PDS5B: variants seen among roughly 807,000 people sequenced by gnomAD.
PDS5B encodes sister chromatid cohesion protein PDS5 homolog B.
Under a neutral mutation model 184.1 loss-of-function variants are expected in PDS5B, and 51 were observed. The ratio of observed to expected loss-of-function variants is 0.28; its 90% CI spans 0.22 to 0.35. The LOEUF (loss-of-function observed/expected upper bound fraction) is 0.35, where lower values mean the gene tolerates loss of function less well. Among genes scored for constraint, PDS5B ranks in the 10% least tolerant of loss-of-function variants. The probability of loss-of-function intolerance (pLI) is 1.00; values close to 1 mark genes in which losing one functional copy is unlikely to be tolerated. For synonymous variants in PDS5B, 566 were observed against 569.2 expected, an observed-to-expected ratio of 0.99 and a Z score of 0.08; for missense variants, 1,180 against 1,723.3, an observed-to-expected ratio of 0.68 and a Z score of 5.58.
At position 32,709,994 on chromosome 13, in the gene PDS5B, G is replaced by C. The variant is rs1358832782; in HGVS notation, c.2011G>C (p.Glu671Gln). Reference protein sequence around the residue: ...PISFHSAETFESLLACLKMDD... With the variant: ...PISFHSAETFQSLLACLKMDD... ...CTCATTTCATTCTGCTGAAACATTT[G>C]AATCATTACTGGCTTGTCTGAAAAT... The change falls in exon 19 of 35, where the codon GAA (glutamate) becomes CAA (glutamine). Residue 671 changes from glutamate (E) to glutamine (Q), a missense_variant. By Grantham distance (29) the Glu-to-Gln change is conservative. Around this residue, in one of 11 missense-constraint regions of PDS5B, gnomAD observed 475 missense variants for 691.5 expected, o/e 0.69. Coordinates refer to ENST00000315596, the MANE Select transcript of PDS5B (RefSeq NM_015032.4). 6.6e-7 allele frequency: 1 copy of C among 1,514,830 alleles called. No homozygotes were observed. 93.8% of individuals were successfully genotyped at this position (1,514,830 alleles called of 1,614,324 possible). A position where few individuals can be genotyped will look rare whatever the true frequency, so the allele number is the denominator to read the frequency against.
intron 6 of PDS5B, among the ~76,000 whole-genome samples, chr13:32,661,747 GAAAGAGA>G (rs1950654821): frequency 6.6e-6 from 1 of 152,046 alleles, no homozygotes; most frequent in African/African-American, 2.4e-5. Flanking sequence ...GTGGAATACT[GAAAGAGA>G]AATCATATAT....
intron 20 of PDS5B, among the ~76,000 whole-genome samples, chr13:32,733,819 G>T (rs1387488792): frequency 6.6e-6 from 1 of 152,016 alleles, no homozygotes; most frequent in Non-Finnish European, 1.5e-5. Context: ...GCCATTGTTA[G>T]TAGTTTCTAA....
At chr13:32,646,318 A>G (rs1056877280) in intron 1 of PDS5B, among the ~76,000 whole-genome samples, 1 of 147,038 alleles carries the variant, frequency 6.8e-6, no homozygotes, top group Admixed American at 6.8e-5. Context: ...GATGTTTGTA[A>G]TGTTAATCCA....
rs73456801 is a variant in PDS5B at position 32,756,158 on chromosome 13, T to C, written c.3056+202T>C. On this transcript the variant is annotated intron_variant, in intron 26 of 34. Coordinates refer to ENST00000315596, the MANE Select transcript of PDS5B (RefSeq NM_015032.4). ...TTTAATGTAGTTTCCCAAAACTTAA[T>C]CATAATTATTATAGTTATGTTTCTG... is the stretch of plus-strand genomic sequence containing the variant. Among the ~76,000 whole-genome samples, 901 of 152,282 alleles carry C rather than the reference T, an allele frequency of 5.9e-3. 15 individuals are homozygous for C. The highest frequency in any genetic ancestry group is 0.02 in the African/African-American group (850 of 41,568).
chr13:32,689,135 A>G (rs1042721631), intron 13 of PDS5B: 1 of 155,068 alleles, frequency 6.4e-6, no homozygotes, highest in African/African-American at 2.4e-5. Context: ...GTCTAATTGA[A>G]TCATACTAAG....
chr13:32,616,300 C>A (rs898767448), intron 1 of PDS5B, among the ~76,000 whole-genome samples: 1 of 152,154 alleles, frequency 6.6e-6, no homozygotes, highest in African/African-American at 2.4e-5. Flanking sequence ...GGTGATCCAC[C>A]CGCCTTGGCC....
chr13:32,697,243 T>C (rs954315018), intron 15 of PDS5B, among the ~76,000 whole-genome samples: 2 of 152,214 alleles, frequency 1.3e-5, no homozygotes, highest in African/African-American at 2.4e-5. Context: ...ATTAATTTGC[T>C]TTTTTGCTTT....
chr13:32,646,425 A>T (rs1167165826), intron 1 of PDS5B, among the ~76,000 whole-genome samples: 1 of 104,350 alleles, frequency 9.6e-6, no homozygotes, highest in Non-Finnish European at 1.8e-5. Context: ...ACAAATTGCT[A>T]TTCATTCTAG....
intron 19 of PDS5B, among the ~76,000 whole-genome samples, chr13:32,711,723 T>G (rs1007215637): frequency 6.6e-6 from 1 of 152,190 alleles, no homozygotes; most frequent in Non-Finnish European, 1.5e-5. Flanking sequence ...ATGGCTCTCC[T>G]AGTCAGATCA....
chr13:32,599,652 T>C (rs937514687), intron 1 of PDS5B, among the ~76,000 whole-genome samples: 22 of 150,574 alleles, frequency 1.5e-4, no homozygotes, highest in African/African-American at 5.4e-4. Context: ...CGGTGACTCA[T>C]GCCTGTAATC....
intron 1 of PDS5B, among the ~76,000 whole-genome samples, chr13:32,644,943 T>G (rs1275174346): frequency 2.0e-5 from 3 of 152,168 alleles, no homozygotes; most frequent in Non-Finnish European, 2.9e-5. Context: ...TCCTAATATT[T>G]TGTTTAGGAG....
At chr13:32,700,341 C>T (rs950906801) in intron 16 of PDS5B, among the ~76,000 whole-genome samples, 8 of 152,006 alleles carry the variant, frequency 5.3e-5, no homozygotes, top group Non-Finnish European at 1.0e-4. Context: ...AAATTGTTCT[C>T]CAGAACTGAA....
chr13:32,737,616 G>A (rs1027834111), intron 21 of PDS5B, among the ~76,000 whole-genome samples: 2 of 152,088 alleles, frequency 1.3e-5, no homozygotes, highest in African/African-American at 4.8e-5. Context: ...AAAATATTTT[G>A]TTTAGCCTTT....
At chr13:32,757,297 AG>A (rs928993611) in intron 26 of PDS5B, among the ~76,000 whole-genome samples, 1 of 152,198 alleles carries the variant, frequency 6.6e-6, no homozygotes, top group African/African-American at 2.4e-5. Context: ...AAGTAGCCCC[AG>A]TGTAGCCATG....
chr13:32,715,739 G>A lies in PDS5B; in HGVS notation c.2123+5633G>A, dbSNP rs1189765196. Among the ~76,000 whole-genome samples the A allele has an allele frequency of 2.6e-5, 4 of 152,126 alleles. No individual in the cohort carries two copies. The East Asian group carries it at 5.8e-4, about 22-fold the overall frequency. ...AGCTGGACTGTACTGCTGCCATCTC[G>A]GCTCACTGCAACCTCCCTGCCTGAT... On this transcript the variant is annotated intron_variant, in intron 19 of 34. Transcript: ENST00000315596.
chr13:32,775,338 A>T lies in PDS5B; in HGVS notation c.*286A>T. 1 of 394,306 alleles carries T rather than the reference A, an allele frequency of 2.5e-6. No homozygotes were observed. Among genetic ancestry groups the T allele is most frequent in the Non-Finnish European group, 4.6e-6 (1 of 217,746 alleles). 24.4% of individuals were successfully genotyped at this position (394,306 alleles called of 1,614,324 possible). On this transcript the variant is annotated 3_prime_UTR_variant, in exon 35 of 35. Transcript: ENST00000315596. ...TTTTTTCTTTTTTTTAATGTTTCTG[A>T]TTTCTGAAGTGCTTGTATAGCTTTT...
At chr13:32,758,707 C>T (rs556851459) in intron 28 of PDS5B, 54 bp downstream of exon 28, 2 of 1,564,480 alleles carry the variant, frequency 1.3e-6, no homozygotes, top group East Asian at 4.5e-5. Context: ...ATTCTCAGCA[C>T]TGGATTGTAG....
chr13:32,721,056 C>T (rs1952661737), intron 19 of PDS5B, among the ~76,000 whole-genome samples: 1 of 152,252 alleles, frequency 6.6e-6, no homozygotes, highest in African/African-American at 2.4e-5. Flanking sequence ...TACACAGACA[C>T]AGTAACAATC....
intron 1 of PDS5B, among the ~76,000 whole-genome samples, chr13:32,634,461 T>G (rs1338682460): frequency 6.6e-6 from 1 of 152,230 alleles, no homozygotes; most frequent in Non-Finnish European, 1.5e-5. Flanking sequence ...TTGTTGTTTT[T>G]GGGCATTATG....
Sources: gnomAD v4.1 joint callset for allele counts (sites outside exome capture counted in the v4.1 genomes callset) on GRCh38, gnomAD v4.1.1 for gene constraint, gnomAD v4.1.1 regional missense constraint, MANE v1.5 for transcripts, NCBI Gene and HGNC (gene_info 2026-07-23, HGNC 2026-07-21) for gene names.